The following ANK3 variants were observed in gnomAD, a reference collection of about 807,000 sequenced individuals.
ANK3 encodes the protein ankyrin 3.
A neutral mutation model predicts 370.9 loss-of-function variants in ANK3; 57 were observed. That is an observed-to-expected ratio of 0.15 (90% CI 0.12 to 0.19). The LOEUF (loss-of-function observed/expected upper bound fraction) is 0.19, where lower values mean the gene tolerates loss of function less well. Ranked by LOEUF, ANK3 falls within the 10% of genes least tolerant of loss-of-function variation. The pLI, the probability that ANK3 is intolerant of heterozygous loss-of-function variation, is 1.00. For synonymous variants in ANK3, 1,929 were observed against 1,946.3 expected, an observed-to-expected ratio of 0.99 and a Z score of 0.23; for missense variants, 4,439 against 5,302.1, an observed-to-expected ratio of 0.84 and a Z score of 5.06.
Position 60,654,686 on chromosome 10 carries a change from T to C in ANK3, c.58-39462A>G, listed in dbSNP as rs573202368. ...TAAAAAATATATTATTGGGCTTGTT[T>C]CTGAAGAGTTTTTGAAGTTCTTGTA... On this transcript the variant is annotated intron_variant, in intron 1 of 43. Transcript: ENST00000373827. 1.1e-4 allele frequency among the ~76,000 whole-genome samples: 16 copies of C among 152,318 alleles called. 1 individual carries two copies. The South Asian group carries it at 3.3e-3, about 32-fold the overall frequency.
chr10:60,319,376 T>C (rs2048144613), intron 1 of ANK3, among the ~76,000 whole-genome samples: 2 of 152,190 alleles, frequency 1.3e-5, no homozygotes, highest in Admixed American at 1.3e-4. Context: ...GCACTAGAAC[T>C]AGGCCTTTTA....
chr10:60,438,203 C>T (rs990096684), intron 2 of ANK3, among the ~76,000 whole-genome samples: 2 of 151,176 alleles, frequency 1.3e-5, no homozygotes, highest in African/African-American at 2.4e-5. Context: ...TTGCTCTTGC[C>T]CAAAGTTTTA....
chr10:60,595,671 G>A (rs2077978349), intron 2 of ANK3, among the ~76,000 whole-genome samples: 1 of 152,128 alleles, frequency 6.6e-6, no homozygotes, highest in Admixed American at 6.5e-5. Flanking sequence ...AAGGAGGTCT[G>A]GTCCCCAAAC....
At chr10:60,116,586 T>C (rs1172130398) in intron 25 of ANK3, among the ~76,000 whole-genome samples, 1 of 106,166 alleles carries the variant, frequency 9.4e-6, no homozygotes, top group Non-Finnish European at 2.0e-5. Flanking sequence ...AACAATAGAC[T>C]ACTTATTAAA....
intron 18 of ANK3, among the ~76,000 whole-genome samples, chr10:60,179,002 TCTC>T (rs2096063747): frequency 6.6e-6 from 1 of 152,160 alleles, no homozygotes; most frequent in Admixed American, 6.5e-5. Flanking sequence ...TTTCTAGTCT[TCTC>T]CTCATCAGGG....
chr10:60,247,367 TGTG>T (rs1485816974), intron 7 of ANK3, among the ~76,000 whole-genome samples: 1 of 152,142 alleles, frequency 6.6e-6, no homozygotes, highest in Non-Finnish European at 1.5e-5. Flanking sequence ...TAATTTAAAT[TGTG>T]GTAAAATATA....
chr10:60,179,982 A>G (rs1302361520), intron 18 of ANK3, among the ~76,000 whole-genome samples: 1 of 151,814 alleles, frequency 6.6e-6, no homozygotes, highest in African/African-American at 2.4e-5. Context: ...AGAACCTAAG[A>G]AAGTGTTTAA....
chr10:60,401,217 G>A (rs1457631512), intron 2 of ANK3, among the ~76,000 whole-genome samples: 6 of 152,078 alleles, frequency 3.9e-5, no homozygotes, highest in African/African-American at 1.2e-4. Flanking sequence ...CGGTTCTCAG[G>A]GGCTGCGGAG....
intron 43 of ANK3, among the ~76,000 whole-genome samples, chr10:60,034,508 GT>G (rs1375808200): frequency 3.3e-5 from 5 of 152,178 alleles, no homozygotes; most frequent in African/African-American, 1.2e-4. Context: ...ACTACAAATT[GT>G]TTTCCAACTT....
chr10:60,227,463 C>A (rs1412218977), intron 8 of ANK3, among the ~76,000 whole-genome samples: 1 of 152,038 alleles, frequency 6.6e-6, no homozygotes, highest in Non-Finnish European at 1.5e-5. Context: ...TTGAGTGCTG[C>A]AGTTTATGAT....
chr10:60,311,350 T>C (rs1310627690), intron 1 of ANK3, among the ~76,000 whole-genome samples: 2 of 152,084 alleles, frequency 1.3e-5, no homozygotes, highest in Non-Finnish European at 2.9e-5. Context: ...ACCTTCTGAA[T>C]ATTCCCAAGT....
chr10:60,148,420 G>A (rs1202505069), intron 23 of ANK3, among the ~76,000 whole-genome samples: 2 of 152,132 alleles, frequency 1.3e-5, no homozygotes, highest in African/African-American at 2.4e-5. Flanking sequence ...ACTATATCTA[G>A]CCTGGATTAA....
chr10:60,655,917 C>A (rs2078857398), intron 1 of ANK3, among the ~76,000 whole-genome samples: 1 of 152,182 alleles, frequency 6.6e-6, no homozygotes, highest in African/African-American at 2.4e-5. Context: ...CTACAGTATT[C>A]ATTACAGTAA....
rs201262270 is a variant in ANK3 at position 60,661,822 on chromosome 10, A to G, written c.58-46598T>C. Among the ~76,000 whole-genome samples the G allele has an allele frequency of 3.6e-4, 55 of 152,276 alleles. No individual in the cohort carries two copies. The East Asian group carries it at 9.8e-3, about 27-fold the overall frequency. On this transcript the variant is annotated intron_variant, in intron 1 of 43. Transcript: ENST00000373827. ...GGAGGCCCTGAGCACCCTCATCTTC[A>G]TCTGGCTCCGTTGGGCTACAAAAGC...
At chr10:60,047,348 C>T (rs890408091) in intron 42 of ANK3, among the ~76,000 whole-genome samples, 1 of 152,154 alleles carries the variant, frequency 6.6e-6, no homozygotes, top group East Asian at 1.9e-4. Context: ...ACTTTTATTT[C>T]TCTTAGAATT....
chr10:60,135,859 C>T (rs74556905), intron 24 of ANK3, among the ~76,000 whole-genome samples: 1,671 of 152,192 alleles, frequency 0.011, 24 homozygotes, highest in African/African-American at 0.038. Context: ...CAGATAGGTA[C>T]GTACATTCTT....
chr10:60,247,183 T>G (rs2097568815), intron 7 of ANK3, among the ~76,000 whole-genome samples: 1 of 151,838 alleles, frequency 6.6e-6, no homozygotes, highest in Admixed American at 6.6e-5. Context: ...GCCCAGCTAA[T>G]TTTTTTGTAT....
At chr10:60,706,776 T>C (rs1439180801) in intron 1 of ANK3, among the ~76,000 whole-genome samples, 3 of 152,208 alleles carry the variant, frequency 2.0e-5, no homozygotes, top group African/African-American at 7.2e-5. Context: ...CTACTATTAT[T>C]TCCAGTAGAC....
intron 7 of ANK3, among the ~76,000 whole-genome samples, chr10:60,239,833 C>T (rs969839874): frequency 6.6e-6 from 1 of 151,846 alleles, no homozygotes; most frequent in African/African-American, 2.4e-5. Flanking sequence ...GAAACTGGAA[C>T]TATACTGTTG....
Sources: gnomAD v4.1 joint callset for allele counts (sites outside exome capture counted in the v4.1 genomes callset) on GRCh38, gnomAD v4.1.1 for gene constraint, MANE v1.5 for transcripts, NCBI Gene and HGNC (gene_info 2026-07-23, HGNC 2026-07-21) for gene names.